SEMA4D: variants seen among roughly 807,000 people sequenced by gnomAD.
SEMA4D encodes semaphorin 4D.
SEMA4D carries 22 observed loss-of-function variants against 74.8 expected under a neutral mutation model. That is an observed-to-expected ratio of 0.29 (90% CI 0.21 to 0.42). The LOEUF is 0.42. Ranked by LOEUF, SEMA4D falls within the 10% of genes least tolerant of loss-of-function variation. SEMA4D has a pLI of 1.00. For missense variants in SEMA4D, 937 were observed against 1,118.4 expected (o/e 0.84, Z 2.31); for synonymous variants, 445 against 463.7 (o/e 0.96, Z 0.52).
At chr9:89,481,421 C>A (rs573653877) in intron 1 of SEMA4D, among the ~76,000 whole-genome samples, 1 of 152,172 alleles carries the variant, frequency 6.6e-6, no homozygotes, top group African/African-American at 2.4e-5. Context: ...GGTGCCACCA[C>A]GGAGACAAGA....
intron 16 of SEMA4D, among the ~76,000 whole-genome samples, chr9:89,369,866 A>ATGTGTGTGTGTG (rs149822470): frequency 6.6e-5 from 10 of 151,244 alleles, no homozygotes; most frequent in South Asian, 2.1e-4. Flanking sequence ...TAAGTCAACA[A>ATGTGTGTGTGTG]TGTGTGTGTG....
intron 16 of SEMA4D, chr9:89,367,332 C>G (rs1202485060): frequency 6.6e-6 from 1 of 152,292 alleles, no homozygotes; most frequent in East Asian, 1.9e-4. Flanking sequence ...TGTCTTCCAT[C>G]TCCCAGCAGG....
chr9:89,483,652 T>C (rs538350280), intron 1 of SEMA4D, among the ~76,000 whole-genome samples: 1 of 152,188 alleles, frequency 6.6e-6, no homozygotes, highest in South Asian at 2.1e-4. Context: ...ACAAATATAA[T>C]CAAATAAAAA....
At position 89,480,834 on chromosome 9, in the gene SEMA4D, T is replaced by A. The variant is rs557010554; in HGVS notation, c.-310+17085A>T. Among the ~76,000 whole-genome samples, 449 of 152,314 alleles carry A rather than the reference T, an allele frequency of 2.9e-3. 3 individuals are homozygous for A. The highest frequency in any genetic ancestry group is 0.01 in the African/African-American group (424 of 41,574). ...CTCCCTACAAACTGGGGGAGTGGGC[T>A]CCGGCCTTGGCCAGCCCAGAAAGGG... On this transcript the variant is annotated intron_variant, in intron 1 of 15. Transcript: ENST00000422704.
At chr9:89,412,755 G>A (rs1343016774) in intron 2 of SEMA4D, among the ~76,000 whole-genome samples, 3 of 152,202 alleles carry the variant, frequency 2.0e-5, no homozygotes, top group Non-Finnish European at 4.4e-5. Context: ...CCAAAGGTCA[G>A]GACAGACCCC....
chr9:89,363,644 C>T (rs1003866267), intron 17 of SEMA4D: 9 of 1,588,896 alleles, frequency 5.7e-6, no homozygotes, highest in Admixed American at 3.4e-5. Flanking sequence ...AGAATGCCAC[C>T]GTGCAAGCAT....
At chr9:89,459,249 T>G (rs1291440091) in intron 1 of SEMA4D, among the ~76,000 whole-genome samples, 4 of 152,052 alleles carry the variant, frequency 2.6e-5, no homozygotes, top group Admixed American at 1.3e-4. Context: ...GGTAGTGCTC[T>G]GGGGGGGTCC....
intron 1 of SEMA4D, among the ~76,000 whole-genome samples, chr9:89,479,126 G>A (rs1862527116): frequency 6.6e-6 from 1 of 152,142 alleles, no homozygotes. Flanking sequence ...TCACAGCATG[G>A]CTGCCAAAGG....
rs942974726 is a variant in SEMA4D, at chr9:89,390,587, G to A, written c.774+677C>T. ...GATGTCCTGATGGTCATGACTACATGAGAAAGGGCCACGCAAGAACTATCT... is the reference window on the plus strand; with the variant it reads ...GATGTCCTGATGGTCATGACTACATAAGAAAGGGCCACGCAAGAACTATCT... On this transcript the variant is annotated intron_variant, in intron 9 of 15. Transcript: ENST00000422704. Among the ~76,000 whole-genome samples, 9 of 152,354 alleles carry A rather than the reference G, an allele frequency of 5.9e-5. No individual in the cohort carries two copies. In the South Asian group the frequency reaches 1.9e-3, roughly 32 times the overall value.
At chr9:89,487,797 A>G (rs1825307579) in intron 1 of SEMA4D, among the ~76,000 whole-genome samples, 1 of 152,240 alleles carries the variant, frequency 6.6e-6, no homozygotes, top group Admixed American at 6.5e-5. Flanking sequence ...AATCTGATAA[A>G]ACATGTGCAA....
In SEMA4D at chr9:89,405,370, C is replaced by T; in HGVS notation, c.87G>A (p.Arg29=). 1 of 1,614,062 alleles carries T rather than the reference C, an allele frequency of 6.2e-7. No homozygotes were observed. The highest frequency in any genetic ancestry group is 8.5e-7 in the Non-Finnish European group (1 of 1,179,922). The change falls in exon 3 of 16, where the codon CGG becomes CGA. Residue 29 remains arginine, a synonymous_variant. Transcript: ENST00000422704. The part of the protein sequence containing the change: ...GTAMAFAPIP[R]ITWEHREVHL... Reference sequence around the variant, plus strand: ...ACTCACCTCTGTGCTCCCAGGTGATCCGGGGTATGGGTGCAAATGCCATCG... The same window carrying T: ...ACTCACCTCTGTGCTCCCAGGTGATTCGGGGTATGGGTGCAAATGCCATCG...
intron 1 of SEMA4D, among the ~76,000 whole-genome samples, chr9:89,474,234 G>A (rs541524268): frequency 9.9e-5 from 15 of 152,268 alleles, no homozygotes; most frequent in African/African-American, 3.1e-4. Flanking sequence ...AATAAACCCC[G>A]AAGATAAACA....
chr9:89,489,933 C>G (rs1472690744), intron 1 of SEMA4D, among the ~76,000 whole-genome samples: 3 of 152,138 alleles, frequency 2.0e-5, no homozygotes, highest in Non-Finnish European at 2.9e-5. Context: ...AAACTTTTTT[C>G]CAAAACAGCT....
At chr9:89,425,875 C>T (rs1221884272) in intron 2 of SEMA4D, among the ~76,000 whole-genome samples, 2 of 152,250 alleles carry the variant, frequency 1.3e-5, no homozygotes, top group Non-Finnish European at 2.9e-5. Context: ...TGAGGCTCCA[C>T]CTGCCCTGAG....
At chr9:89,462,798 G>C (rs1048070606) in intron 1 of SEMA4D, among the ~76,000 whole-genome samples, 1 of 150,466 alleles carries the variant, frequency 6.6e-6, no homozygotes, top group African/African-American at 2.5e-5. Context: ...AAAACAATTA[G>C]CTGGGTGTGG....
exon 19 of SEMA4D, chr9:89,362,308 G>A (rs758578418): frequency 8.1e-6 from 13 of 1,608,578 alleles, no homozygotes; most frequent in Non-Finnish European, 1.7e-6. Flanking sequence ...GTTCACAGTT[G>A]TGGGGGACCA....
intron 2 of SEMA4D, among the ~76,000 whole-genome samples, chr9:89,416,499 C>T (rs1180353757): frequency 6.6e-6 from 1 of 152,172 alleles, no homozygotes; most frequent in Non-Finnish European, 1.5e-5. Context: ...ACAGAGGATG[C>T]GTCAGTCTAC....
At chr9:89,430,631 G>C (rs1587833974) in intron 2 of SEMA4D, among the ~76,000 whole-genome samples, 1 of 152,208 alleles carries the variant, frequency 6.6e-6, no homozygotes, top group Non-Finnish European at 1.5e-5. Flanking sequence ...CCCTGCCCAG[G>C]GATGTTTATC....
intron 2 of SEMA4D, among the ~76,000 whole-genome samples, chr9:89,407,923 C>T (rs1310555309): frequency 6.6e-6 from 1 of 152,258 alleles, no homozygotes; most frequent in African/African-American, 2.4e-5. Context: ...GGCTTTTCCT[C>T]TGTATAACTG....
Sources: gnomAD v4.1 joint callset for allele counts (sites outside exome capture counted in the v4.1 genomes callset) on GRCh38, gnomAD v4.1.1 for gene constraint, MANE v1.5 for transcripts, NCBI Gene and HGNC (gene_info 2026-07-23, HGNC 2026-07-21) for gene names.